Variants in SLC35D1 observed in about 807,000 individuals in gnomAD.
SLC35D1 encodes nucleotide sugar transporter SLC35D1.
Under a neutral mutation model 46.7 loss-of-function variants are expected in SLC35D1, and 31 were observed. The observed-to-expected ratio is 0.66, with a 90% CI of 0.50 to 0.90. The LOEUF (loss-of-function observed/expected upper bound fraction) is 0.90. SLC35D1 is among the 40% of genes least tolerant of loss of function. The pLI, the probability that SLC35D1 is intolerant of heterozygous loss-of-function variation, is 0.00. For synonymous variants in SLC35D1, 195 were observed against 164.6 expected, an observed-to-expected ratio of 1.18 and a Z score of -1.41; for missense variants, 397 against 426.2, an observed-to-expected ratio of 0.93 and a Z score of 0.60.
At chr1:67,015,928 T>C (rs945658636) in intron 10 of SLC35D1, among the ~76,000 whole-genome samples, 3 of 152,128 alleles carry the variant, frequency 2.0e-5, no homozygotes, top group Non-Finnish European at 4.4e-5. Context: ...GCAATCCTGT[T>C]TTAAACCTTT....
intron 8 of SLC35D1, among the ~76,000 whole-genome samples, chr1:67,028,323 G>C (rs1667955181): frequency 6.6e-6 from 1 of 152,098 alleles, no homozygotes; most frequent in East Asian, 1.9e-4. Context: ...GTTGTTGAGT[G>C]GATTGTTCTT....
At chr1:67,025,718 CTT>C (rs1667901947) in intron 8 of SLC35D1, among the ~76,000 whole-genome samples, 1 of 152,108 alleles carries the variant, frequency 6.6e-6, no homozygotes, top group African/African-American at 2.4e-5. Flanking sequence ...TTATTTAGGT[CTT>C]TTAAAATTTA....
the SLC35D1 span, among the ~76,000 whole-genome samples, chr1:66,979,263 T>C: frequency 2.0e-5 from 3 of 152,236 alleles, no homozygotes; most frequent in Admixed American, 2.0e-4. Flanking sequence ...CTCTTTCTGT[T>C]AATAGCTGCA....
intron 3 of SLC35D1, 147 bp downstream of exon 3, chr1:67,052,624 A>G (rs1295234052): frequency 1.4e-6 from 1 of 729,042 alleles, no homozygotes; most frequent in Admixed American, 2.3e-5. Context: ...GACACATATT[A>G]CTACTTTTAT....
At chr1:66,985,402 A>C in the SLC35D1 span, 2 of 983,412 alleles carry the variant, frequency 2.0e-6, no homozygotes, top group Non-Finnish European at 2.4e-6. Context: ...TTTATTAAGG[A>C]AACCCTTACG....
chr1:67,049,008 C>T (rs181725269), intron 6 of SLC35D1, among the ~76,000 whole-genome samples: 15 of 152,238 alleles, frequency 9.9e-5, no homozygotes, highest in African/African-American at 2.4e-4. Context: ...AATTAAGGAA[C>T]GCCAGGCCAG....
At chr1:66,985,439 T>G in the SLC35D1 span, 1 of 983,426 alleles carries the variant, frequency 1.0e-6, no homozygotes, top group Non-Finnish European at 1.2e-6. Flanking sequence ...CTAGCATGAT[T>G]TTTTTATATA....
Position 66,999,505 on chromosome 1 carries a change from G to A in SLC35D1, c.*4835C>T, listed in dbSNP as rs937200572. 1.3e-5 allele frequency: 2 copies of A among 152,158 alleles called. No homozygotes were observed. The highest frequency in any genetic ancestry group is 1.9e-4 in the East Asian group (1 of 5,324). 9.4% of individuals were successfully genotyped at this position (152,158 alleles called of 1,614,324 possible). A position where few individuals can be genotyped will look rare whatever the true frequency, so the allele number is the denominator to read the frequency against. Reference sequence around the variant, plus strand: ...TTTTAACACTAAAAATGGTCATTTGGTAAATAGACTCTAAAATGAAAAAAT... The same window carrying A: ...TTTTAACACTAAAAATGGTCATTTGATAAATAGACTCTAAAATGAAAAAAT... On this transcript the variant is annotated 3_prime_UTR_variant, in exon 12 of 12. Coordinates refer to ENST00000235345, the MANE Select transcript of SLC35D1 (RefSeq NM_015139.3).
Position 67,009,184 on chromosome 1 carries a change from T to C in SLC35D1, c.877-17A>G, listed in dbSNP as rs151071375. ...TAATATATTCTAAAAATAAAAATAG[T>C]AATATACTGTTATATAGGTTTAACT... On this transcript the variant is annotated splice_polypyrimidine_tract_variant and intron_variant, in intron 10 of 11. Coordinates refer to ENST00000235345, the MANE Select transcript of SLC35D1 (RefSeq NM_015139.3). The C allele has an allele frequency of 7.2e-6, 7 of 977,398 alleles. No individual in the cohort carries two copies. In the Admixed American group the frequency reaches 1.5e-4, roughly 20 times the overall value. 60.5% of individuals were successfully genotyped at this position (977,398 alleles called of 1,614,324 possible). A position where few individuals can be genotyped will look rare whatever the true frequency, so the allele number is the denominator to read the frequency against.
Position 67,004,422 on chromosome 1 carries a change from T to C in SLC35D1, c.986A>G (p.Tyr329Cys), listed in dbSNP as rs372640176. 3.4e-5 allele frequency: 55 copies of C among 1,613,878 alleles called. No homozygotes were observed. Among genetic ancestry groups the C allele is most frequent in the Middle Eastern group, 1.6e-4 (1 of 6,084 alleles). ...CAGCTGCTCTTCAGTGAAAGTGATA[T>C]AGGAATATACCAGGCTCCCAGCAAT... ...ISIAGSLVYS[Y>C]ITFTEEQLSK... is the part of the protein sequence containing the mutation. The change falls in exon 12 of 12, where the codon TAT becomes TGT. Residue 329 changes from tyrosine to cysteine, a missense_variant. Physicochemically the swap from Tyr to Cys is radical, Grantham distance 194. Transcript: ENST00000235345.
At chr1:66,979,853 C>T in the SLC35D1 span, among the ~76,000 whole-genome samples, 1 of 151,990 alleles carries the variant, frequency 6.6e-6, no homozygotes, top group Non-Finnish European at 1.5e-5. Flanking sequence ...CAACCTCCAC[C>T]GCCCGGGTTG....
chr1:67,049,813 C>T lies in SLC35D1; in HGVS notation c.502G>A (p.Ala168Thr). ...FSWGIKMTVF[A>T]MIIGAFVAAS... ...GCTACAAAGGCTCCAATAATCATTG[C>T]AAATACAGTCATTTTAATACCCCAA... is the stretch of plus-strand genomic sequence containing the variant. The change falls in exon 6 of 12, where the codon GCA (alanine) becomes ACA (threonine). Residue 168 changes from alanine (A) to threonine (T), a missense_variant. By Grantham distance (58) the Ala-to-Thr change is moderately conservative. Coordinates refer to ENST00000235345, the MANE Select transcript of SLC35D1 (RefSeq NM_015139.3). 2 of 1,613,710 alleles carry T rather than the reference C, an allele frequency of 1.2e-6. No homozygotes were observed. Among genetic ancestry groups the T allele is most frequent in the Non-Finnish European group, 1.7e-6 (2 of 1,179,800 alleles).
At chr1:67,033,617 C>A (rs1310021336) in intron 8 of SLC35D1, among the ~76,000 whole-genome samples, 1 of 151,898 alleles carries the variant, frequency 6.6e-6, no homozygotes, top group Non-Finnish European at 1.5e-5. Flanking sequence ...CAAATATTTA[C>A]AAATATTTTC....
chr1:67,018,280 T>C (rs949299787), intron 10 of SLC35D1, among the ~76,000 whole-genome samples: 1 of 152,108 alleles, frequency 6.6e-6, no homozygotes, highest in Non-Finnish European at 1.5e-5. Flanking sequence ...CTTAGGAAAG[T>C]GTATAACAGG....
At chr1:67,035,151 CGT>C (rs1225214867) in intron 8 of SLC35D1, among the ~76,000 whole-genome samples, 1 of 151,534 alleles carries the variant, frequency 6.6e-6, no homozygotes, top group Non-Finnish European at 1.5e-5. Flanking sequence ...TGTGTGCGCG[CGT>C]GTGTGTGTGT....
the SLC35D1 span, among the ~76,000 whole-genome samples, chr1:66,989,657 G>A: frequency 6.6e-6 from 1 of 152,242 alleles, no homozygotes; most frequent in South Asian, 2.1e-4. Flanking sequence ...TAGAGGTGAG[G>A]TCTCACTATG....
the SLC35D1 span, chr1:66,984,649 A>G: frequency 6.2e-7 from 1 of 1,614,016 alleles, no homozygotes; most frequent in South Asian, 1.1e-5. Flanking sequence ...TAATGGACCA[A>G]CAGGTGGAAA....
chr1:67,028,115 GTGTGCT>G (rs200374075), intron 8 of SLC35D1, among the ~76,000 whole-genome samples: 6,848 of 152,146 alleles, frequency 0.045, 248 homozygotes, highest in East Asian at 0.075. Flanking sequence ...TTATTTAGAG[GTGTGCT>G]AATTTGCAAA....
chr1:66,989,424 A>G, the SLC35D1 span, among the ~76,000 whole-genome samples: 1 of 152,214 alleles, frequency 6.6e-6, no homozygotes, highest in African/African-American at 2.4e-5. Context: ...AAGTTAGATG[A>G]TCCCTGAAAT....
Sources: gnomAD v4.1 joint callset for allele counts (sites outside exome capture counted in the v4.1 genomes callset) on GRCh38, gnomAD v4.1.1 for gene constraint, MANE v1.5 for transcripts, NCBI Gene and HGNC (gene_info 2026-07-23, HGNC 2026-07-21) for gene names.